The following RSU1 variants were observed in gnomAD, a reference collection of about 807,000 sequenced individuals.
RSU1 encodes the protein rsu-1.
RSU1 carries 26 observed loss-of-function variants against 31.1 expected under a neutral mutation model. The observed-to-expected ratio is 0.84, with a 90% CI of 0.61 to 1.16. RSU1 has a LOEUF of 1.16. Ranked by LOEUF, RSU1 falls within the 50% of genes most tolerant of loss-of-function variation. RSU1 has a pLI of 0.00. For synonymous variants in RSU1, 164 were observed against 136.3 expected, an observed-to-expected ratio of 1.20 and a Z score of -1.41; for missense variants, 320 against 339.1, an observed-to-expected ratio of 0.94 and a Z score of 0.44.
intron 5 of RSU1, among the ~76,000 whole-genome samples, chr10:16,754,038 A>AT (rs1419094213): frequency 1.3e-5 from 2 of 152,220 alleles, no homozygotes; most frequent in African/African-American, 4.8e-5. Flanking sequence ...GCATGTTAAT[A>AT]TAACATAATA....
intron 2 of RSU1, among the ~76,000 whole-genome samples, chr10:16,813,427 T>C (rs1838453676): frequency 6.6e-6 from 1 of 152,222 alleles, no homozygotes; most frequent in African/African-American, 2.4e-5. Context: ...CTGACTATGT[T>C]GGAACTGGGT....
At chr10:16,694,644 CTG>C (rs1247763881) in intron 8 of RSU1, among the ~76,000 whole-genome samples, 2 of 152,160 alleles carry the variant, frequency 1.3e-5, no homozygotes, top group Non-Finnish European at 2.9e-5. Context: ...GACCACGACT[CTG>C]TGCAGCCTCA....
chr10:16,776,488 T>C (rs187370412), intron 3 of RSU1, among the ~76,000 whole-genome samples: 6 of 150,248 alleles, frequency 4.0e-5, no homozygotes, highest in African/African-American at 1.2e-4. Flanking sequence ...AAATAGTGTA[T>C]ATTAAAAAAA....
intron 2 of RSU1, among the ~76,000 whole-genome samples, chr10:16,798,412 C>T (rs1363765350): frequency 1.3e-5 from 2 of 152,064 alleles, no homozygotes; most frequent in African/African-American, 2.4e-5. Flanking sequence ...AGGGAGAGAC[C>T]GGGTGGAGAT....
intron 4 of RSU1, among the ~76,000 whole-genome samples, chr10:16,760,791 T>G (rs1293508280): frequency 6.6e-6 from 1 of 152,114 alleles, no homozygotes; most frequent in Non-Finnish European, 1.5e-5. Flanking sequence ...GACATGAAGC[T>G]CGTCTTCTTA....
chr10:16,738,468 A>G (rs1005505219), intron 7 of RSU1, among the ~76,000 whole-genome samples: 1 of 152,110 alleles, frequency 6.6e-6, no homozygotes, highest in Non-Finnish European at 1.5e-5. Flanking sequence ...AAGAAGAAAA[A>G]CTGAAAATCA....
intron 7 of RSU1, among the ~76,000 whole-genome samples, chr10:16,751,108 C>G (rs565594880): frequency 8.4e-4 from 128 of 152,240 alleles, no homozygotes; most frequent in African/African-American, 3.1e-3. Flanking sequence ...CTCAAGCTAT[C>G]CGCCTGCTTC....
intron 8 of RSU1, among the ~76,000 whole-genome samples, chr10:16,608,813 T>A (rs186127003): frequency 2.6e-5 from 4 of 152,190 alleles, no homozygotes; most frequent in African/African-American, 9.6e-5. Context: ...TAGCCCTGGG[T>A]AGATTCAGCA....
chr10:16,760,009 C>T (rs559542526), intron 4 of RSU1, among the ~76,000 whole-genome samples: 193 of 152,246 alleles, frequency 1.3e-3, no homozygotes, highest in Non-Finnish European at 1.9e-3. Context: ...TTCTTTATGC[C>T]ATTTGAGGAC....
At chr10:16,744,671 G>A (rs1836815181) in intron 7 of RSU1, among the ~76,000 whole-genome samples, 1 of 152,124 alleles carries the variant, frequency 6.6e-6, no homozygotes, top group Admixed American at 6.5e-5. Flanking sequence ...CAACCAAAAA[G>A]CCAATCAGAG....
rs576937670 is a variant in RSU1 at position 16,752,232 on chromosome 10, A to C, written c.598+307T>G. On this transcript the variant is annotated intron_variant, in intron 7 of 8. Transcript: ENST00000345264. ...TTACCCAGCTAGTCAATGAGGAGCC[A>C]GGGATAAGGCTCTTACTACTAATCC... Among the ~76,000 whole-genome samples, 11 of 152,370 alleles carry C rather than the reference A, an allele frequency of 7.2e-5. No individual in the cohort carries two copies. The South Asian group carries it at 2.1e-3, about 29-fold the overall frequency.
intron 7 of RSU1, among the ~76,000 whole-genome samples, chr10:16,719,787 T>A (rs1278363354): frequency 1.3e-5 from 2 of 152,180 alleles, no homozygotes; most frequent in African/African-American, 4.8e-5. Flanking sequence ...CCTGGCCACA[T>A]CCCACCGTTT....
At chr10:16,632,896 G>A (rs1175068431) in intron 8 of RSU1, among the ~76,000 whole-genome samples, 1 of 152,098 alleles carries the variant, frequency 6.6e-6, no homozygotes, top group African/African-American at 2.4e-5. Context: ...AGTGAGCCAA[G>A]ATCATGCCAC....
At chr10:16,612,671 C>T (rs1833913138) in intron 8 of RSU1, among the ~76,000 whole-genome samples, 1 of 152,148 alleles carries the variant, frequency 6.6e-6, no homozygotes, top group Non-Finnish European at 1.5e-5. Context: ...CCTCCAGCTA[C>T]ACTCTCTGTT....
At chr10:16,638,289 C>T (rs540891254) in intron 8 of RSU1, among the ~76,000 whole-genome samples, 20 of 152,170 alleles carry the variant, frequency 1.3e-4, no homozygotes, top group South Asian at 2.1e-4. Flanking sequence ...CTCATTTGAA[C>T]GTAATGCCTT....
chr10:16,710,332 C>G (rs368102410), intron 7 of RSU1, among the ~76,000 whole-genome samples: 1 of 152,054 alleles, frequency 6.6e-6, no homozygotes, highest in Non-Finnish European at 1.5e-5. Flanking sequence ...GTTAAACTAC[C>G]CTTGCAACAC....
chr10:16,627,551 C>T (rs1588681772), intron 8 of RSU1, among the ~76,000 whole-genome samples: 1 of 151,852 alleles, frequency 6.6e-6, no homozygotes, highest in African/African-American at 2.4e-5. Flanking sequence ...GTTAGGAGTT[C>T]GAGACCAGCC....
intron 8 of RSU1, among the ~76,000 whole-genome samples, chr10:16,622,637 CGAG>C (rs1357658834): frequency 6.6e-6 from 1 of 152,078 alleles, no homozygotes; most frequent in Non-Finnish European, 1.5e-5. Context: ...TGGCAGAGTT[CGAG>C]GAGAGAAAAG....
intron 2 of RSU1, among the ~76,000 whole-genome samples, chr10:16,804,753 T>C (rs1480904069): frequency 6.6e-6 from 1 of 152,138 alleles, no homozygotes; most frequent in Admixed American, 6.5e-5. Context: ...CTATATGACA[T>C]TCTGGAAAGG....
Sources: gnomAD v4.1 joint callset for allele counts (sites outside exome capture counted in the v4.1 genomes callset) on GRCh38, gnomAD v4.1.1 for gene constraint, MANE v1.5 for transcripts, NCBI Gene and HGNC (gene_info 2026-07-23, HGNC 2026-07-21) for gene names.